MTHFD1L: variants seen among roughly 807,000 people sequenced by gnomAD.
MTHFD1L encodes monofunctional C1-tetrahydrofolate synthase, mitochondrial.
Under a neutral mutation model 119.5 loss-of-function variants are expected in MTHFD1L, and 81 were observed. The observed-to-expected ratio is 0.68, with a 90% CI of 0.57 to 0.82. The LOEUF (loss-of-function observed/expected upper bound fraction) is 0.82. Ranked by LOEUF, MTHFD1L falls within the 40% of genes least tolerant of loss-of-function variation. The probability of loss-of-function intolerance (pLI) is 0.00; values close to 1 mark genes in which losing one functional copy is unlikely to be tolerated. For missense variants in MTHFD1L, 1,125 were observed against 1,253.4 expected, an observed-to-expected ratio of 0.90 and a Z score of 1.55; for synonymous variants, 430 against 475.2, an observed-to-expected ratio of 0.90 and a Z score of 1.24.
At chr6:150,932,918 T>C (rs750303208) in intron 11 of MTHFD1L, among the ~76,000 whole-genome samples, 13 of 151,518 alleles carry the variant, frequency 8.6e-5, no homozygotes, top group Non-Finnish European at 1.6e-4. Flanking sequence ...GAAAGAGAAA[T>C]TAGATTACCT....
At chr6:150,921,711 A>AT (rs1788971987) in intron 9 of MTHFD1L, among the ~76,000 whole-genome samples, 1 of 152,160 alleles carries the variant, frequency 6.6e-6, no homozygotes, top group Admixed American at 6.6e-5. Flanking sequence ...CCACACCTGG[A>AT]TTTTTTAATA....
chr6:150,949,241 C>T, intron 16 of MTHFD1L, 108 bp downstream of exon 16: 1 of 795,438 alleles, frequency 1.3e-6, no homozygotes, highest in Non-Finnish European at 2.1e-6. Context: ...CAGTGATCTT[C>T]CCAGCCTGTG....
rs563563051 is a variant in MTHFD1L, at chr6:150,871,229, T to G, written c.228-4861T>G. Among the ~76,000 whole-genome samples, 3 of 148,156 alleles carry G rather than the reference T, an allele frequency of 2.0e-5. No homozygotes were observed. The East Asian group carries it at 5.9e-4, about 29-fold the overall frequency. On this transcript the variant is annotated intron_variant, in intron 1 of 27. Transcript: ENST00000367321. ...TTACCAAGAAATGCCAGTGATCTGG[T>G]GGAGGATTTGCCTAGATGTTGATGG...
chr6:150,933,594 A>AG (rs1791538500), intron 11 of MTHFD1L, among the ~76,000 whole-genome samples: 1 of 152,056 alleles, frequency 6.6e-6, no homozygotes, highest in Non-Finnish European at 1.5e-5. Flanking sequence ...CGGTGTCAGG[A>AG]TAGGCTCACC....
intron 19 of MTHFD1L, among the ~76,000 whole-genome samples, chr6:150,969,457 C>T (rs1325277784): frequency 6.6e-6 from 1 of 150,842 alleles, no homozygotes; most frequent in Non-Finnish European, 1.5e-5. Flanking sequence ...GATCATGCCA[C>T]TGCACTCCAG....
intron 26 of MTHFD1L, 83 bp from the exon 27 acceptor site, chr6:151,092,384 A>G: frequency 9.8e-7 from 1 of 1,018,878 alleles, no homozygotes; most frequent in Non-Finnish European, 1.5e-6. Flanking sequence ...GCTGTATTGA[A>G]CGATAGAGTT....
At chr6:150,909,234 A>G (rs1786452240) in intron 8 of MTHFD1L, among the ~76,000 whole-genome samples, 1 of 151,726 alleles carries the variant, frequency 6.6e-6, no homozygotes, top group South Asian at 2.1e-4. Flanking sequence ...AAATTTCAAC[A>G]TTCTGTTTTC....
intron 21 of MTHFD1L, among the ~76,000 whole-genome samples, chr6:151,012,981 G>A (rs1388400903): frequency 1.3e-5 from 2 of 152,202 alleles, no homozygotes; most frequent in African/African-American, 4.8e-5. Flanking sequence ...CTCAGAGGCT[G>A]CTGATTTCCA....
At chr6:150,965,118 C>A in intron 19 of MTHFD1L, 81 bp downstream of exon 19, 1 of 1,268,964 alleles carries the variant, frequency 7.9e-7, no homozygotes. Flanking sequence ...CAATATGAGG[C>A]AGGCATAGAG....
chr6:151,037,143 C>A (rs763352371), intron 26 of MTHFD1L, 26 bp downstream of exon 26: 20 of 1,611,182 alleles, frequency 1.2e-5, no homozygotes, highest in Non-Finnish European at 1.7e-5. Flanking sequence ...TTTCCAAAAA[C>A]CCTCCCCATT....
At chr6:151,084,994 T>A (rs1254633591) in intron 26 of MTHFD1L, among the ~76,000 whole-genome samples, 3 of 136,512 alleles carry the variant, frequency 2.2e-5, no homozygotes, top group African/African-American at 9.0e-5. Context: ...AATATATATA[T>A]ATATATATAT....
intron 20 of MTHFD1L, among the ~76,000 whole-genome samples, chr6:150,992,185 C>A (rs141299889): frequency 2.8e-4 from 42 of 151,194 alleles, no homozygotes; most frequent in African/African-American, 1.0e-3. Context: ...CAGGAAAGGA[C>A]TCCTTCGTCA....
At chr6:150,918,777 C>T in intron 9 of MTHFD1L, 109 bp downstream of exon 9, 1 of 843,858 alleles carries the variant, frequency 1.2e-6, no homozygotes, top group Non-Finnish European at 2.0e-6. Flanking sequence ...AAACACTTCA[C>T]ACACAGTGTT....
intron 17 of MTHFD1L, among the ~76,000 whole-genome samples, chr6:150,957,035 A>G (rs956266250): frequency 1.1e-4 from 16 of 152,358 alleles, no homozygotes; most frequent in African/African-American, 3.8e-4. Flanking sequence ...TTAAAAGGAC[A>G]GCCCAAAATA....
intron 26 of MTHFD1L, among the ~76,000 whole-genome samples, chr6:151,090,091 A>G (rs1794237503): frequency 2.0e-5 from 3 of 152,232 alleles, no homozygotes; most frequent in African/African-American, 7.2e-5. Context: ...GACAAGAACC[A>G]GCCATCATCC....
chr6:150,965,398 T>C (rs112857806), intron 19 of MTHFD1L, among the ~76,000 whole-genome samples: 2,453 of 152,224 alleles, frequency 0.016, 33 homozygotes, highest in Middle Eastern at 0.027. Flanking sequence ...CGGCGGCTCA[T>C]GCCTGTAATC....
intron 20 of MTHFD1L, among the ~76,000 whole-genome samples, chr6:150,997,954 C>T (rs1365733262): frequency 3.9e-5 from 6 of 152,098 alleles, no homozygotes; most frequent in African/African-American, 7.2e-5. Flanking sequence ...GTGGCAGGTC[C>T]GTCTCTTCCC....
chr6:150,941,401 G>C (rs1793082749), intron 13 of MTHFD1L, among the ~76,000 whole-genome samples: 1 of 152,212 alleles, frequency 6.6e-6, no homozygotes, highest in African/African-American at 2.4e-5. Context: ...AGCCATTGAA[G>C]GGATCTTGAC....
Position 150,926,277 on chromosome 6 carries a change from A to C in MTHFD1L, c.1238A>C (p.Lys413Thr), listed in dbSNP as rs2128909270. 1.2e-6 allele frequency: 2 copies of C among 1,612,100 alleles called. No homozygotes were observed. Among genetic ancestry groups the C allele is most frequent in the East Asian group, 2.2e-5 (1 of 44,832 alleles). The change falls in exon 11 of 28, where the codon AAA (lysine) becomes ACA (threonine). Residue 413 changes from lysine (K) to threonine (T), a missense_variant. Around this residue, in one of 3 missense-constraint regions of MTHFD1L, gnomAD observed 1,058 missense variants for 1,151.2 expected, o/e 0.92. Transcript: ENST00000367321. This position sits in a 1 kb window ranked among gnomAD's most constrained non-coding sequence, Gnocchi z 4.3. ...AGGTTAAAGGATCAAGCAGATGGAA[A>C]ATACGTCTTAGTTGCTGGGTAAGAC... Reference protein sequence around the residue: ...LERLKDQADGKYVLVAGITPT... With the variant: ...LERLKDQADGTYVLVAGITPT...
Sources: gnomAD v4.1 joint callset for allele counts (sites outside exome capture counted in the v4.1 genomes callset) on GRCh38, gnomAD v4.1.1 for gene constraint, gnomAD v4.1.1 regional missense constraint, Gnocchi (gnomAD v3.1) non-coding constraint, MANE v1.5 for transcripts, NCBI Gene and HGNC (gene_info 2026-07-23, HGNC 2026-07-21) for gene names.